RAB10: variants seen among roughly 807,000 people sequenced by gnomAD.
RAB10 encodes ras-related protein Rab-10.
RAB10 carries 5 observed loss-of-function variants against 25.7 expected under a neutral mutation model. The ratio of observed to expected loss-of-function variants is 0.19; its 90% CI spans 0.10 to 0.41. The LOEUF is 0.41. Ranked by LOEUF, RAB10 falls within the 10% of genes least tolerant of loss-of-function variation. The pLI is 1.00. For synonymous variants in RAB10, 89 were observed against 86.4 expected (o/e 1.03, Z -0.16); for missense variants, 103 against 245.8 (o/e 0.42, Z 3.89).
chr2:26,037,726 C>T (rs1665794241), intron 1 of RAB10, among the ~76,000 whole-genome samples: 1 of 152,010 alleles, frequency 6.6e-6, no homozygotes. Flanking sequence ...AAGCACTTCA[C>T]ATGGTGCCAG....
At chr2:26,117,197 T>C (rs1207982248) in intron 3 of RAB10, among the ~76,000 whole-genome samples, 1 of 152,164 alleles carries the variant, frequency 6.6e-6, no homozygotes, top group East Asian at 1.9e-4. Flanking sequence ...AGTTATTATA[T>C]GAAGGTTTTG....
chr2:26,137,216 T>G lies in RAB10; in HGVS notation c.*2195T>G, dbSNP rs1558292114. On this transcript the variant is annotated 3_prime_UTR_variant, in exon 6 of 6. Transcript: ENST00000264710. ...AAAAGGGAAATGAAGTATAAATCAA[T>G]TTTTGTATAATCTGTTTGAAACATG... 6.5e-6 allele frequency: 1 copy of G among 152,688 alleles called. No homozygotes were observed. The highest frequency in any genetic ancestry group is 1.5e-5 in the Non-Finnish European group (1 of 68,034). The allele number at this position is 152,688 out of a possible 1,614,324, so 9.5% of individuals were successfully genotyped here. A position where few individuals can be genotyped will look rare whatever the true frequency, so the allele number is the denominator to read the frequency against.
chr2:26,090,934 C>T (rs1213408198), intron 1 of RAB10, among the ~76,000 whole-genome samples: 1 of 67,298 alleles, frequency 1.5e-5, no homozygotes, highest in African/African-American at 5.4e-5. Context: ...ACCCTGTCTC[C>T]CCCCCCAAAA....
chr2:26,108,531 T>A lies in RAB10; in HGVS notation c.189-1237T>A, dbSNP rs1006086720. Among the ~76,000 whole-genome samples the A allele has an allele frequency of 4.6e-5, 7 of 152,318 alleles. No homozygotes were observed. The East Asian group carries it at 1.3e-3, about 29-fold the overall frequency. On this transcript the variant is annotated intron_variant, in intron 2 of 5. Transcript: ENST00000264710. ...GAGTAAAGAGGTGATGTAATAGTTC[T>A]TTGTCTTGTGGTAGTTACACAAATC...
intron 5 of RAB10, among the ~76,000 whole-genome samples, 199 bp from the exon 6 acceptor site, chr2:26,134,739 C>T (rs1668074747): frequency 6.6e-6 from 1 of 152,204 alleles, no homozygotes; most frequent in Non-Finnish European, 1.5e-5. Flanking sequence ...TACAATATTT[C>T]ACAGCTTGGA....
chr2:26,127,245 A>C lies in RAB10; in HGVS notation c.417+12A>C. 8.5e-6 allele frequency: 13 copies of C among 1,534,186 alleles called. No individual in the cohort carries two copies. Among genetic ancestry groups the C allele is most frequent in the Non-Finnish European group, 1.2e-5 (13 of 1,122,182 alleles). Reference sequence around the variant, plus strand: ...GAAAAGGAGAACAGGTAAAAATCTGAATTAAACTGATACTCTGCTCTGTCT... The same window carrying C: ...GAAAAGGAGAACAGGTAAAAATCTGCATTAAACTGATACTCTGCTCTGTCT... On this transcript the variant is annotated intron_variant, in intron 4 of 5. Transcript: ENST00000264710.
intron 2 of RAB10, among the ~76,000 whole-genome samples, chr2:26,103,371 A>G (rs1427724355): frequency 6.6e-6 from 1 of 152,206 alleles, no homozygotes; most frequent in African/African-American, 2.4e-5. Flanking sequence ...AGTAGGAACA[A>G]ACTTACGAAT....
intron 2 of RAB10, among the ~76,000 whole-genome samples, chr2:26,105,874 C>T (rs1298325037): frequency 1.3e-5 from 2 of 152,204 alleles, no homozygotes; most frequent in Non-Finnish European, 2.9e-5. Context: ...AATATAGTCA[C>T]ATACTCTACA....
chr2:26,086,455 A>G (rs573634280), intron 1 of RAB10, among the ~76,000 whole-genome samples: 1 of 152,344 alleles, frequency 6.6e-6, no homozygotes, highest in South Asian at 2.1e-4. Context: ...AAAGGAAAGT[A>G]ACAAGTATGA....
intron 1 of RAB10, among the ~76,000 whole-genome samples, chr2:26,089,422 CA>C (rs11315031): frequency 0.71 from 91,325 of 128,346 alleles, 30,323 homozygotes; most frequent in East Asian, 0.86. Flanking sequence ...GACTCTGTCT[CA>C]AAAAAAAAAA....
chr2:26,132,996 T>C (rs1668039588), intron 5 of RAB10, among the ~76,000 whole-genome samples: 1 of 152,126 alleles, frequency 6.6e-6, no homozygotes, highest in African/African-American at 2.4e-5. Context: ...AAGTCACTTG[T>C]ACTGGAAACC....
At chr2:26,106,654 G>A (rs767325560) in intron 2 of RAB10, among the ~76,000 whole-genome samples, 43 of 152,164 alleles carry the variant, frequency 2.8e-4, no homozygotes, top group Non-Finnish European at 5.6e-4. Context: ...CGGAGGCTGA[G>A]GCGGGTGGAT....
chr2:26,120,766 A>T (rs1667787461), intron 3 of RAB10, among the ~76,000 whole-genome samples: 1 of 151,580 alleles, frequency 6.6e-6, no homozygotes, highest in South Asian at 2.1e-4. Flanking sequence ...AATTTTTTGT[A>T]TTTTTAGTAG....
intron 1 of RAB10, among the ~76,000 whole-genome samples, chr2:26,080,458 T>G (rs1165768457): frequency 6.6e-6 from 1 of 152,180 alleles, no homozygotes; most frequent in Non-Finnish European, 1.5e-5. Context: ...TTTTTTTTTG[T>G]CGTGATACAT....
intron 1 of RAB10, among the ~76,000 whole-genome samples, chr2:26,073,383 C>T (rs1382717072): frequency 6.6e-6 from 1 of 152,158 alleles, no homozygotes; most frequent in Admixed American, 6.5e-5. Flanking sequence ...GAACTGTTCT[C>T]GTTGTTACTA....
intron 1 of RAB10, among the ~76,000 whole-genome samples, chr2:26,079,438 TGAAAG>T (rs893114665): frequency 5.9e-5 from 9 of 151,834 alleles, no homozygotes; most frequent in African/African-American, 9.7e-5. Context: ...AGAAAGAAGT[TGAAAG>T]GAAGAAGGCT....
chr2:26,133,505 T>A (rs1335435595), intron 5 of RAB10, among the ~76,000 whole-genome samples: 1 of 152,178 alleles, frequency 6.6e-6, no homozygotes, highest in Non-Finnish European at 1.5e-5. Context: ...AGTATTATGT[T>A]CTATATCCTG....
chr2:26,036,105 T>C (rs993262945), intron 1 of RAB10, among the ~76,000 whole-genome samples: 2 of 152,202 alleles, frequency 1.3e-5, no homozygotes, highest in Non-Finnish European at 2.9e-5. Flanking sequence ...CTAGCACTGT[T>C]TGCTTTTAAC....
At chr2:26,063,258 A>G (rs1666446635) in intron 1 of RAB10, among the ~76,000 whole-genome samples, 1 of 152,184 alleles carries the variant, frequency 6.6e-6, no homozygotes, top group Non-Finnish European at 1.5e-5. Flanking sequence ...ATCGTCTGGG[A>G]GAAGAGGGAC....
Sources: gnomAD v4.1 joint callset for allele counts (sites outside exome capture counted in the v4.1 genomes callset) on GRCh38, gnomAD v4.1.1 for gene constraint, MANE v1.5 for transcripts, NCBI Gene and HGNC (gene_info 2026-07-23, HGNC 2026-07-21) for gene names.